MAML3: variants seen among roughly 807,000 people sequenced by gnomAD.
The protein encoded by MAML3 is mastermind-like protein 3.
A neutral mutation model predicts 101.9 loss-of-function variants in MAML3; 27 were observed. The ratio of observed to expected loss-of-function variants is 0.27; its 90% CI spans 0.20 to 0.37. The LOEUF (loss-of-function observed/expected upper bound fraction) is 0.37. Ranked by LOEUF, MAML3 falls within the 10% of genes least tolerant of loss-of-function variation. The pLI, the probability that MAML3 is intolerant of heterozygous loss-of-function variation, is 1.00. For synonymous variants in MAML3, 501 were observed against 555.9 expected, an observed-to-expected ratio of 0.90 and a Z score of 1.39; for missense variants, 1,316 against 1,444.9, an observed-to-expected ratio of 0.91 and a Z score of 1.45.
rs144183635 is a variant in MAML3, at chr4:139,880,477, C to T, written c.2079+8880G>A. On this transcript the variant is annotated intron_variant, in intron 2 of 4. Transcript: ENST00000509479. Reference sequence around the variant, plus strand: ...CATATTCCACCTTGCCCCTGAGTGGCCAGGTACTACTGGCTTAGTCAGAGT... The same window carrying T: ...CATATTCCACCTTGCCCCTGAGTGGTCAGGTACTACTGGCTTAGTCAGAGT... 7.7e-3 allele frequency among the ~76,000 whole-genome samples: 1,167 copies of T among 152,118 alleles called. 4 individuals are homozygous for T. Among genetic ancestry groups the T allele is most frequent in the Non-Finnish European group, 0.011 (774 of 67,996 alleles).
chr4:140,127,672 T>C (rs545631621), intron 1 of MAML3, among the ~76,000 whole-genome samples: 1 of 152,276 alleles, frequency 6.6e-6, no homozygotes, highest in Non-Finnish European at 1.5e-5. Context: ...AGCTGATATT[T>C]ATAGAAGGCT....
intron 2 of MAML3, among the ~76,000 whole-genome samples, chr4:139,771,210 G>C (rs1046166519): frequency 3.9e-5 from 6 of 152,176 alleles, no homozygotes; most frequent in African/African-American, 1.4e-4. Flanking sequence ...TTGTATTTTG[G>C]AGAGGGTTTT....
At chr4:139,901,850 C>T (rs1732728244) in intron 1 of MAML3, among the ~76,000 whole-genome samples, 1 of 152,128 alleles carries the variant, frequency 6.6e-6, no homozygotes, top group Non-Finnish European at 1.5e-5. Flanking sequence ...CTTTTTATTT[C>T]ATTGTTTACT....
At chr4:139,751,413 G>A (rs140683483) in intron 2 of MAML3, among the ~76,000 whole-genome samples, 9 of 152,262 alleles carry the variant, frequency 5.9e-5, no homozygotes, top group Admixed American at 1.3e-4. Flanking sequence ...CATAATACAC[G>A]TTATACACAT....
chr4:140,011,121 G>GTGTGTATA (rs1553968773), intron 1 of MAML3, among the ~76,000 whole-genome samples: 14 of 65,094 alleles, frequency 2.2e-4, no homozygotes, highest in Admixed American at 4.9e-4. Flanking sequence ...AAGTGTGTGT[G>GTGTGTATA]TATATATATA....
intron 1 of MAML3, among the ~76,000 whole-genome samples, chr4:140,131,816 G>A (rs1385438273): frequency 6.6e-6 from 1 of 152,206 alleles, no homozygotes; most frequent in Non-Finnish European, 1.5e-5. Context: ...GCCAGGGGCT[G>A]TGAAGGGTGA....
intron 2 of MAML3, among the ~76,000 whole-genome samples, chr4:139,807,432 C>A (rs181258105): frequency 1.2e-4 from 18 of 152,288 alleles, no homozygotes; most frequent in Non-Finnish European, 2.4e-4. Flanking sequence ...TATGCAGGAG[C>A]CATCTTTGGT....
At chr4:139,763,856 C>G (rs1378986196) in intron 2 of MAML3, among the ~76,000 whole-genome samples, 2 of 152,176 alleles carry the variant, frequency 1.3e-5, no homozygotes, top group African/African-American at 2.4e-5. Flanking sequence ...GAATTAAACA[C>G]TTGAATATAC....
chr4:139,787,866 T>G (rs1388190113), intron 2 of MAML3, among the ~76,000 whole-genome samples: 1 of 152,244 alleles, frequency 6.6e-6, no homozygotes, highest in Non-Finnish European at 1.5e-5. Flanking sequence ...TAGCTTTGCC[T>G]GAAGTGTCTC....
intron 2 of MAML3, among the ~76,000 whole-genome samples, chr4:139,736,838 C>T (rs1728966401): frequency 6.6e-6 from 1 of 152,184 alleles, no homozygotes. Flanking sequence ...ATCCTGTGCC[C>T]TGATTAGATT....
intron 2 of MAML3, among the ~76,000 whole-genome samples, chr4:139,805,816 C>T (rs1730690953): frequency 6.6e-6 from 1 of 152,040 alleles, no homozygotes; most frequent in Non-Finnish European, 1.5e-5. Context: ...GATGTTAGAA[C>T]CTACTGTAAA....
intron 2 of MAML3, among the ~76,000 whole-genome samples, chr4:139,733,514 G>A (rs1267587526): frequency 6.7e-6 from 1 of 148,802 alleles, no homozygotes; most frequent in Non-Finnish European, 1.5e-5. Flanking sequence ...CTTTTTGCCC[G>A]TGTCTTCCTG....
At chr4:139,857,038 A>C (rs1731674598) in intron 2 of MAML3, among the ~76,000 whole-genome samples, 1 of 152,242 alleles carries the variant, frequency 6.6e-6, no homozygotes, top group Non-Finnish European at 1.5e-5. Context: ...GGCATAATGA[A>C]GTTTTTGTAA....
intron 1 of MAML3, among the ~76,000 whole-genome samples, chr4:140,123,386 G>A (rs1231547375): frequency 6.6e-6 from 1 of 152,100 alleles, no homozygotes; most frequent in Non-Finnish European, 1.5e-5. Context: ...CATAGTACAT[G>A]TCACTACTGA....
intron 2 of MAML3, among the ~76,000 whole-genome samples, chr4:139,748,503 C>T (rs2111035938): frequency 6.6e-6 from 1 of 152,250 alleles, no homozygotes; most frequent in South Asian, 2.1e-4. Flanking sequence ...GGACAAAATG[C>T]ATCAGTGGAA....
At chr4:140,110,212 G>A (rs1433955751) in intron 1 of MAML3, among the ~76,000 whole-genome samples, 1 of 152,170 alleles carries the variant, frequency 6.6e-6, no homozygotes, top group African/African-American at 2.4e-5. Flanking sequence ...AAATGTCCTA[G>A]TTTTTGGCCT....
chr4:140,144,534 A>T lies in MAML3; in HGVS notation c.468+8326T>A, dbSNP rs548347912. 1.8e-3 allele frequency among the ~76,000 whole-genome samples: 270 copies of T among 151,870 alleles called. 3 individuals carry two copies. The highest frequency in any genetic ancestry group is 4.0e-4 in the Non-Finnish European group (27 of 67,928). The stretch of plus-strand genomic sequence containing the variant: ...GACAGAGCGAGACCCTGTCTCCGAA[A>T]AAAAAAGCAAAACCAAAAAAAAAAA... On this transcript the variant is annotated intron_variant, in intron 1 of 4. Coordinates refer to ENST00000509479, the MANE Select transcript of MAML3 (RefSeq NM_018717.5).
chr4:139,845,231 A>G (rs918658747), intron 2 of MAML3, among the ~76,000 whole-genome samples: 1 of 152,190 alleles, frequency 6.6e-6, no homozygotes, highest in Non-Finnish European at 1.5e-5. Context: ...GAAGATGGGA[A>G]AGAAGAAGTG....
intron 2 of MAML3, among the ~76,000 whole-genome samples, chr4:139,807,557 A>AT (rs1293531475): frequency 6.6e-6 from 1 of 152,170 alleles, no homozygotes; most frequent in African/African-American, 2.4e-5. Flanking sequence ...CAAACCAAGG[A>AT]TGGCCTGAGC....
Sources: gnomAD v4.1 joint callset for allele counts (sites outside exome capture counted in the v4.1 genomes callset) on GRCh38, gnomAD v4.1.1 for gene constraint, MANE v1.5 for transcripts, NCBI Gene and HGNC (gene_info 2026-07-23, HGNC 2026-07-21) for gene names.